The following DNAH17 variants were observed in gnomAD, a reference collection of about 807,000 sequenced individuals.
DNAH17 encodes the protein axonemal beta dynein heavy chain 17.
DNAH17 carries 376 observed loss-of-function variants against 485.6 expected under a neutral mutation model. The observed-to-expected ratio is 0.77, with a 90% CI of 0.71 to 0.84. The LOEUF is 0.84. Ranked by LOEUF, DNAH17 falls within the 40% of genes least tolerant of loss-of-function variation. DNAH17 has a pLI of 0.00. For missense variants in DNAH17, 6,370 were observed against 5,839.3 expected (o/e 1.09, Z -2.96); for synonymous variants, 3,031 against 2,405.9 (o/e 1.26, Z -7.60).
At chr17:78,441,227 G>A (rs565845081) in intron 71 of DNAH17, 28 bp from the exon 72 acceptor site, 46 of 1,612,044 alleles carry the variant, frequency 2.9e-5, no homozygotes, top group Admixed American at 1.0e-4. Flanking sequence ...CAGAGGCAGC[G>A]GAACCTGAGG....
intron 58 of DNAH17, 81 bp from the exon 59 acceptor site, chr17:78,460,338 G>GTGTGTGCA (rs1555659321): frequency 2.0e-5 from 18 of 910,818 alleles, no homozygotes; most frequent in Admixed American, 6.8e-5. Context: ...GTGTGTGCAT[G>GTGTGTGCA]TGTGTGCATG....
Position 78,485,102 on chromosome 17 carries a change from C to A in DNAH17, c.7484-69G>T, listed in dbSNP as rs1480593781. 8 of 1,495,476 alleles carry A rather than the reference C, an allele frequency of 5.3e-6. No individual in the cohort carries two copies. The African/African-American group carries it at 9.8e-5, about 18-fold the overall frequency. The allele number at this position is 1,495,476 out of a possible 1,614,324, so 92.6% of individuals were successfully genotyped here. A position where few individuals can be genotyped will look rare whatever the true frequency, so the allele number is the denominator to read the frequency against. ...CCAGAGCCTGTTAGGTAGGGAGGGG[C>A]GCTACCTGCTTCCCCGGAGGACAGA... On this transcript the variant is annotated intron_variant, in intron 47 of 80. Transcript: ENST00000389840.
intron 13 of DNAH17, among the ~76,000 whole-genome samples, chr17:78,560,128 A>T (rs11870241): frequency 1.3e-5 from 2 of 151,970 alleles, no homozygotes; most frequent in Admixed American, 6.5e-5. Context: ...GCCTGGAGGT[A>T]GGCTCTAGGA....
At chr17:78,545,018 G>A (rs956718879) in intron 16 of DNAH17, among the ~76,000 whole-genome samples, 3 of 151,884 alleles carry the variant, frequency 2.0e-5, no homozygotes, top group Non-Finnish European at 2.9e-5. Context: ...GAAACATGAG[G>A]GAACCTCACC....
At chr17:78,504,082 T>G (rs1054638981) in intron 31 of DNAH17, among the ~76,000 whole-genome samples, 4 of 151,844 alleles carry the variant, frequency 2.6e-5, no homozygotes, top group Admixed American at 1.3e-4. Context: ...TTTTTTTTTT[T>G]GGAGATGAAG....
intron 54 of DNAH17, among the ~76,000 whole-genome samples, chr17:78,469,362 C>G (rs756990575): frequency 4.3e-4 from 66 of 152,286 alleles, no homozygotes; most frequent in Non-Finnish European, 6.9e-4. Context: ...AGGAGGGCCT[C>G]GATCTCTTGA....
At position 78,539,737 on chromosome 17, in the gene DNAH17, A is replaced by C. The variant is rs1301841506; in HGVS notation, c.2676T>G (p.Asp892Glu). 6.2e-7 allele frequency: 1 copy of C among 1,606,754 alleles called. No individual in the cohort carries two copies. The highest frequency in any genetic ancestry group is 1.7e-5 in the Admixed American group (1 of 58,672). ...LSFLMDNMVI[D>E]ESIAPLFEIR... is the part of the protein sequence containing the mutation. ...ATATTACCTTATGTTGATAACTTAC[A>C]TCTATAACCATGTTGTCCATTAGGA... Residue 892 changes from aspartate to glutamate, a missense_variant and splice_region_variant, in exon 18 of 81, where the codon GAT becomes GAG. Asp to Glu is a conservative substitution (Grantham distance 45). Transcript: ENST00000389840.
chr17:78,571,481 C>A, intron 4 of DNAH17, 103 bp from the exon 5 acceptor site: 1 of 1,488,988 alleles, frequency 6.7e-7, no homozygotes, highest in South Asian at 1.1e-5. Flanking sequence ...TTACGCAGGT[C>A]ATCAGAGCCC....
At chr17:78,539,628 TAA>T in intron 18 of DNAH17, 107 bp downstream of exon 18, 1 of 988,940 alleles carries the variant, frequency 1.0e-6, no homozygotes, top group Admixed American at 3.5e-5. Flanking sequence ...TATATTTTAA[TAA>T]GTCTATTTAT....
chr17:78,452,371 C>G (rs901478044), intron 65 of DNAH17, among the ~76,000 whole-genome samples: 8 of 152,142 alleles, frequency 5.3e-5, no homozygotes, highest in Non-Finnish European at 1.2e-4. Flanking sequence ...CCCGGCCACA[C>G]GTGGAAAATG....
intron 43 of DNAH17, among the ~76,000 whole-genome samples, 172 bp downstream of exon 43, chr17:78,491,271 C>G (rs2089839685): frequency 6.6e-6 from 1 of 152,256 alleles, no homozygotes; most frequent in South Asian, 2.1e-4. Flanking sequence ...ACGCATGTGA[C>G]AAAGTCTCAC....
At chr17:78,460,983 G>T (rs534766927) in intron 58 of DNAH17, among the ~76,000 whole-genome samples, 15 of 152,262 alleles carry the variant, frequency 9.9e-5, no homozygotes, top group African/African-American at 3.4e-4. Context: ...GAGGGGTCAT[G>T]AGAAGCTGCT....
In DNAH17 at chr17:78,434,756, G is replaced by A. The variant is rs76119282; in HGVS notation, c.12034-536C>T. Among the ~76,000 whole-genome samples, 46 of 152,248 alleles carry A rather than the reference G, an allele frequency of 3.0e-4. 1 individual carries two copies. In the East Asian group the frequency reaches 3.5e-3, roughly 12 times the overall value. On this transcript the variant is annotated intron_variant, in intron 74 of 80. Coordinates refer to ENST00000389840, the MANE Select transcript of DNAH17 (RefSeq NM_173628.4). The stretch of plus-strand genomic sequence containing the variant: ...ACTGAGCCTAAATTGTGACTCCTAC[G>A]TCTCTGGATTTGTGAGCTTTTACTC...
Position 78,575,052 on chromosome 17 carries a change from T to G in DNAH17, c.6A>C (p.Thr2=). Residue 2 remains threonine, a synonymous_variant, in exon 2 of 81, where the codon ACA becomes ACC. Transcript: ENST00000389840. M[T]MAPDVRLEYL... is the part of the protein sequence containing the mutation. Reference sequence around the variant, plus strand: ...ACTCTAGTCTGACGTCCGGGGCCATTGTCATCTTGGCCTTTCCTTACACTG... The same window carrying G: ...ACTCTAGTCTGACGTCCGGGGCCATGGTCATCTTGGCCTTTCCTTACACTG... The G allele has an allele frequency of 6.2e-7, 1 of 1,611,856 alleles. No homozygotes were observed. Among genetic ancestry groups the G allele is most frequent in the South Asian group, 1.1e-5 (1 of 90,802 alleles).
At chr17:78,498,974 A>C in intron 37 of DNAH17, 34 bp downstream of exon 37, 1 of 1,542,328 alleles carries the variant, frequency 6.5e-7, no homozygotes, top group Non-Finnish European at 8.8e-7. Flanking sequence ...CAGTCACCCG[A>C]CGTGACCCCG....
intron 20 of DNAH17, among the ~76,000 whole-genome samples, chr17:78,531,589 C>T (rs1187049240): frequency 3.9e-5 from 6 of 152,264 alleles, no homozygotes; most frequent in South Asian, 2.1e-4. Flanking sequence ...CCAACCGCCT[C>T]GGCCTCCCAA....
intron 33 of DNAH17, chr17:78,502,249 T>A: frequency 3.0e-6 from 1 of 338,430 alleles, no homozygotes; most frequent in Non-Finnish European, 5.4e-6. Flanking sequence ...GGTTGTGGAA[T>A]TACAGGTAAA....
At chr17:78,532,000 C>T (rs2091253118) in intron 20 of DNAH17, among the ~76,000 whole-genome samples, 1 of 152,160 alleles carries the variant, frequency 6.6e-6, no homozygotes, top group Non-Finnish European at 1.5e-5. Context: ...ATGAGCCAAC[C>T]CGGAGCCCAC....
Position 78,434,097 on chromosome 17 carries a change from G to GGTAC in DNAH17, c.12153_12156dup (p.Pro4053ValfsTer36), listed in dbSNP as rs773131764. On this transcript the variant is annotated frameshift_variant, in exon 75 of 81. Coordinates refer to ENST00000389840, the MANE Select transcript of DNAH17 (RefSeq NM_173628.4). LOFTEE classifies it high-confidence loss of function. ...ATGGTGAGGTCCCCGTTGTTGAAGG[G>GGTAC]GTACGACCGGTTCCAGCCCTGGGCG... The GGTAC allele has an allele frequency of 6.2e-7, 1 of 1,613,628 alleles. No homozygotes were observed. The highest frequency in any genetic ancestry group is 8.5e-7 in the Non-Finnish European group (1 of 1,179,832).
Sources: gnomAD v4.1 joint callset for allele counts (sites outside exome capture counted in the v4.1 genomes callset) on GRCh38, gnomAD v4.1.1 for gene constraint, MANE v1.5 for transcripts, NCBI Gene and HGNC (gene_info 2026-07-23, HGNC 2026-07-21) for gene names.